CRPPA: variants seen among roughly 807,000 people sequenced by gnomAD.
The protein encoded by CRPPA is D-ribitol-5-phosphate cytidylyltransferase.
CRPPA carries 43 observed loss-of-function variants against 52.0 expected under a neutral mutation model. The ratio of observed to expected loss-of-function variants is 0.83; its 90% CI spans 0.65 to 1.07. CRPPA has a LOEUF of 1.07. Ranked by LOEUF, CRPPA falls within the 50% of genes least tolerant of loss-of-function variation. CRPPA has a pLI of 0.00. For synonymous variants in CRPPA, 250 were observed against 203.5 expected, an observed-to-expected ratio of 1.23 and a Z score of -1.94; for missense variants, 629 against 551.7, an observed-to-expected ratio of 1.14 and a Z score of -1.40.
At chr7:16,126,070 G>C (rs1782574453) in intron 9 of CRPPA, among the ~76,000 whole-genome samples, 1 of 152,088 alleles carries the variant, frequency 6.6e-6, no homozygotes, top group Non-Finnish European at 1.5e-5. Flanking sequence ...GCACAAGGTA[G>C]GGCTCTATAA....
intron 9 of CRPPA, among the ~76,000 whole-genome samples, chr7:16,197,083 T>C (rs1374726460): frequency 6.6e-6 from 1 of 150,408 alleles, no homozygotes; most frequent in East Asian, 2.0e-4. Context: ...ATGATAAACA[T>C]GGCACACCTA....
At chr7:16,241,179 T>C (rs1424082520) in intron 8 of CRPPA, among the ~76,000 whole-genome samples, 2 of 152,184 alleles carry the variant, frequency 1.3e-5, no homozygotes, top group Non-Finnish European at 2.9e-5. Context: ...TGTAAATGGA[T>C]GATGACTTTC....
chr7:16,267,177 AAT>A (rs1458484657), intron 6 of CRPPA, among the ~76,000 whole-genome samples: 1 of 152,228 alleles, frequency 6.6e-6, no homozygotes, highest in Non-Finnish European at 1.5e-5. Context: ...TCATTTGACC[AAT>A]ATTTATTGAT....
rs768272746 is a variant in CRPPA, at chr7:16,089,431, G to T, written c.*2264C>A. ...TATATATGTACGTACATACATATATGTGTATATATGTACGTGCATACATAT... is the reference window on the plus strand; with the variant it reads ...TATATATGTACGTACATACATATATTTGTATATATGTACGTGCATACATAT... On this transcript the variant is annotated 3_prime_UTR_variant, in exon 10 of 10. Coordinates refer to ENST00000407010, the MANE Select transcript of CRPPA (RefSeq NM_001101426.4). The T allele has an allele frequency of 2.9e-6, 1 of 348,518 alleles. No individual in the cohort carries two copies. The highest frequency in any genetic ancestry group is 2.0e-5 in the South Asian group (1 of 49,644). 21.6% of individuals were successfully genotyped at this position (348,518 alleles called of 1,614,324 possible).
intron 3 of CRPPA, among the ~76,000 whole-genome samples, chr7:16,362,626 T>C (rs1460815755): frequency 6.6e-6 from 1 of 152,230 alleles, no homozygotes; most frequent in African/African-American, 2.4e-5. Flanking sequence ...AGAGAATTAT[T>C]TGCCTGGACA....
intron 3 of CRPPA, among the ~76,000 whole-genome samples, chr7:16,337,888 A>G (rs2128432203): frequency 6.6e-6 from 1 of 152,286 alleles, no homozygotes; most frequent in Non-Finnish European, 1.5e-5. Flanking sequence ...AGAACCAGAT[A>G]TCTTCACTGT....
rs1782720854 is a variant in CRPPA, at chr7:16,133,995, A to G, written c.1252-42196T>C. 1.6e-5 allele frequency among the ~76,000 whole-genome samples: 2 copies of G among 123,128 alleles called. 1 individual carries two copies. Among genetic ancestry groups the G allele is most frequent in the Non-Finnish European group, 3.7e-5 (2 of 54,182 alleles). The allele number at this position is 123,128 out of a possible 152,430, so 80.8% of individuals were successfully genotyped here. ...TGCCCAGGCTGGAGTGCAGTGGCGC[A>G]ATCTCGGCTCACTGTAAGCTCCGCT... is the stretch of plus-strand genomic sequence containing the variant. On this transcript the variant is annotated intron_variant, in intron 9 of 9. Transcript: ENST00000407010.
intron 9 of CRPPA, among the ~76,000 whole-genome samples, chr7:16,187,320 G>A (rs933820858): frequency 1.3e-5 from 2 of 151,904 alleles, no homozygotes; most frequent in African/African-American, 4.8e-5. Flanking sequence ...AATTTCTAGG[G>A]GATTTTCTGT....
chr7:16,211,306 ACTAAGT>A (rs1428857287), intron 9 of CRPPA, among the ~76,000 whole-genome samples: 1 of 152,318 alleles, frequency 6.6e-6, no homozygotes, highest in South Asian at 2.1e-4. Flanking sequence ...CCAAAGAATG[ACTAAGT>A]CTAAACAATA....
At chr7:16,160,305 A>AATCTTTATCTTT (rs1783276078) in intron 9 of CRPPA, among the ~76,000 whole-genome samples, 1 of 152,176 alleles carries the variant, frequency 6.6e-6, no homozygotes, top group Non-Finnish European at 1.5e-5. Flanking sequence ...TTTAGGTAGT[A>AATCTTTATCTTT]ACACTTAAAT....
At chr7:16,204,041 C>A (rs1472882997) in intron 9 of CRPPA, among the ~76,000 whole-genome samples, 3 of 152,134 alleles carry the variant, frequency 2.0e-5, no homozygotes, top group African/African-American at 7.2e-5. Context: ...AATTGCGTAT[C>A]TATGTTATTT....
chr7:16,157,621 C>T, intron 9 of CRPPA, among the ~76,000 whole-genome samples: 1 of 151,982 alleles, frequency 6.6e-6, no homozygotes, highest in East Asian at 1.9e-4. Flanking sequence ...TATATAATTC[C>T]ATTTGCAAGG....
chr7:16,244,403 T>C (rs1194595903), intron 8 of CRPPA, among the ~76,000 whole-genome samples: 1 of 152,198 alleles, frequency 6.6e-6, no homozygotes, highest in African/African-American at 2.4e-5. Flanking sequence ...ACTGCTTAAC[T>C]TCTTCCAGGA....
chr7:16,296,945 G>T (rs1784686910), intron 5 of CRPPA, among the ~76,000 whole-genome samples: 1 of 152,108 alleles, frequency 6.6e-6, no homozygotes, highest in South Asian at 2.1e-4. Flanking sequence ...CCAGCTGAAG[G>T]TATAGTTTTC....
At chr7:16,323,006 A>G (rs948775033) in intron 3 of CRPPA, among the ~76,000 whole-genome samples, 3 of 152,110 alleles carry the variant, frequency 2.0e-5, no homozygotes, top group Non-Finnish European at 4.4e-5. Flanking sequence ...CTCACTCACT[A>G]TCATGAGAAC....
chr7:16,256,302 G>A (rs1471063462), intron 8 of CRPPA, among the ~76,000 whole-genome samples: 1 of 152,126 alleles, frequency 6.6e-6, no homozygotes, highest in Non-Finnish European at 1.5e-5. Flanking sequence ...GAGAGGATGT[G>A]GAGAAATATG....
intron 3 of CRPPA, among the ~76,000 whole-genome samples, chr7:16,365,552 C>T (rs1365735729): frequency 6.6e-6 from 1 of 152,028 alleles, no homozygotes; most frequent in African/African-American, 2.4e-5. Flanking sequence ...CATAAAGCAA[C>T]ATAATAGAGG....
intron 9 of CRPPA, among the ~76,000 whole-genome samples, chr7:16,196,727 C>G (rs1223426887): frequency 6.6e-6 from 1 of 152,042 alleles, no homozygotes; most frequent in Non-Finnish European, 1.5e-5. Context: ...ACCACCTTCC[C>G]TAATTAGGTG....
intron 9 of CRPPA, among the ~76,000 whole-genome samples, chr7:16,110,327 A>G (rs1235150431): frequency 6.6e-6 from 1 of 152,136 alleles, no homozygotes; most frequent in Admixed American, 6.6e-5. Context: ...AAGAATTAGT[A>G]TTGTTAAAAT....
Sources: allele counts gnomAD v4.1 joint callset (sites outside exome capture counted in the v4.1 genomes callset), GRCh38; gene constraint gnomAD v4.1.1; transcripts MANE v1.5; gene names NCBI Gene and HGNC (gene_info 2026-07-23, HGNC 2026-07-21).